Variants in KALRN observed in about 807,000 individuals in gnomAD.
KALRN encodes kalirin.
Under a neutral mutation model 353.7 loss-of-function variants are expected in KALRN, and 70 were observed. The observed-to-expected ratio is 0.20, with a 90% CI of 0.16 to 0.24. KALRN has a LOEUF of 0.24. KALRN is among the 10% of genes least tolerant of loss of function. The probability of loss-of-function intolerance (pLI) is 1.00; values close to 1 mark genes in which losing one functional copy is unlikely to be tolerated. For synonymous variants in KALRN, 1,391 were observed against 1,434.8 expected, an observed-to-expected ratio of 0.97 and a Z score of 0.69; for missense variants, 2,791 against 3,756.7, an observed-to-expected ratio of 0.74 and a Z score of 6.72.
intron 1 of KALRN, among the ~76,000 whole-genome samples, chr3:124,107,324 A>C (rs749458771): frequency 1.3e-5 from 2 of 152,178 alleles, no homozygotes; most frequent in Admixed American, 6.5e-5. Flanking sequence ...CCTCAGTGAT[A>C]GTGTAATGGA....
intron 1 of KALRN, among the ~76,000 whole-genome samples, chr3:124,171,056 A>T (rs2071744601): frequency 6.6e-6 from 1 of 151,676 alleles, no homozygotes; most frequent in South Asian, 2.1e-4. Context: ...GCCTCAAGTG[A>T]TCTGCCTGCC....
At chr3:124,589,255 A>G (rs2075531126) in intron 34 of KALRN, among the ~76,000 whole-genome samples, 1 of 152,220 alleles carries the variant, frequency 6.6e-6, no homozygotes, top group Non-Finnish European at 1.5e-5. Flanking sequence ...CCGTGACACC[A>G]AGTTCCTTTA....
At chr3:124,433,865 T>TGAA (rs1480189125) in intron 16 of KALRN, among the ~76,000 whole-genome samples, 1 of 152,236 alleles carries the variant, frequency 6.6e-6, no homozygotes, top group Non-Finnish European at 1.5e-5. Flanking sequence ...TTGTGTTACA[T>TGAA]GAAGTTTCTT....
intron 9 of KALRN, among the ~76,000 whole-genome samples, chr3:124,346,705 T>G (rs564780651): frequency 6.6e-6 from 1 of 152,286 alleles, no homozygotes; most frequent in African/African-American, 2.4e-5. Flanking sequence ...CCATGACTGG[T>G]CACCATTGCT....
At chr3:124,246,752 T>A (rs773030659) in intron 3 of KALRN, among the ~76,000 whole-genome samples, 1 of 152,166 alleles carries the variant, frequency 6.6e-6, no homozygotes, top group Admixed American at 6.5e-5. Context: ...TCACCTTGAT[T>A]AGGTCAACTT....
intron 18 of KALRN, 110 bp downstream of exon 18, chr3:124,439,147 TTCTC>T (rs1223333604): frequency 1.4e-5 from 14 of 1,013,102 alleles, no homozygotes; most frequent in African/African-American, 1.2e-4. Context: ...CTCTTTCTCT[TTCTC>T]TCTCTTTCTC....
Position 124,718,922 on chromosome 3 carries a change from C to T in KALRN, c.8416-3C>T, listed in dbSNP as rs2063293395. 1.2e-6 allele frequency: 2 copies of T among 1,612,910 alleles called. No individual in the cohort carries two copies. The highest frequency in any genetic ancestry group is 1.3e-5 in the African/African-American group (1 of 74,924). On this transcript the variant is annotated splice_region_variant and splice_polypyrimidine_tract_variant and intron_variant, in intron 59 of 59. Transcript: ENST00000682506. ...TTCTCCCTGCTTCCTTGGATCTCTG[C>T]AGCCTGAAAACCTGCTCATTGACCT...
chr3:124,652,007 G>A (rs2083469704), intron 38 of KALRN, among the ~76,000 whole-genome samples: 1 of 152,162 alleles, frequency 6.6e-6, no homozygotes, highest in South Asian at 2.1e-4. Flanking sequence ...CTTAGACATA[G>A]CTCAGCATGT....
At chr3:124,586,558 G>T (rs1166324212) in intron 34 of KALRN, among the ~76,000 whole-genome samples, 1 of 152,198 alleles carries the variant, frequency 6.6e-6, no homozygotes, top group East Asian at 1.9e-4. Context: ...CCAGGGCCTG[G>T]TAAGTGCCTC....
At chr3:124,078,135 C>T (rs2060352411) in intron 1 of KALRN, among the ~76,000 whole-genome samples, 1 of 152,178 alleles carries the variant, frequency 6.6e-6, no homozygotes, top group Admixed American at 6.5e-5. Flanking sequence ...TGTGCCTTTG[C>T]TCCTGTTTTT....
chr3:124,065,621 C>T (rs1447831234), intron 1 of KALRN, among the ~76,000 whole-genome samples: 1 of 100,088 alleles, frequency 1.0e-5, no homozygotes, highest in African/African-American at 3.9e-5. Flanking sequence ...ATGACTAAAA[C>T]ATTCCTTAGT....
intron 34 of KALRN, among the ~76,000 whole-genome samples, chr3:124,580,535 A>C (rs1159340667): frequency 6.6e-6 from 1 of 152,210 alleles, no homozygotes; most frequent in Non-Finnish European, 1.5e-5. Context: ...TGTCTTGAGA[A>C]TATTAACTTA....
At chr3:124,442,492 G>A (rs1333785433) in intron 19 of KALRN, among the ~76,000 whole-genome samples, 1 of 152,214 alleles carries the variant, frequency 6.6e-6, no homozygotes, top group East Asian at 1.9e-4. Context: ...AGACTAGGGT[G>A]TCTTATAGCC....
At chr3:124,330,378 G>T (rs72976592) in intron 8 of KALRN, among the ~76,000 whole-genome samples, 25,483 of 151,806 alleles carry the variant, frequency 0.17, 4,094 homozygotes, top group African/African-American at 0.42. Context: ...TTCTCTGGAG[G>T]TTGCTTTCTG....
intron 34 of KALRN, among the ~76,000 whole-genome samples, chr3:124,569,757 C>T (rs1325716070): frequency 6.6e-6 from 1 of 152,196 alleles, no homozygotes; most frequent in Admixed American, 6.5e-5. Context: ...AGAGCATTAA[C>T]CCCATTATAG....
chr3:124,281,557 G>A (rs2075344451), intron 5 of KALRN, among the ~76,000 whole-genome samples: 1 of 152,176 alleles, frequency 6.6e-6, no homozygotes, highest in Admixed American at 6.5e-5. Flanking sequence ...TGGAATGCCT[G>A]CTCCACTATA....
intron 1 of KALRN, among the ~76,000 whole-genome samples, chr3:124,133,926 A>G (rs1002842879): frequency 3.9e-5 from 6 of 152,336 alleles, no homozygotes; most frequent in African/African-American, 1.4e-4. Flanking sequence ...GATGGGTAGA[A>G]TCAATATTGT....
intron 1 of KALRN, among the ~76,000 whole-genome samples, chr3:124,196,275 T>C (rs906479832): frequency 7.9e-5 from 12 of 152,128 alleles, no homozygotes; most frequent in Non-Finnish European, 1.5e-5. Context: ...CAGTTGGGTA[T>C]GTGAGGGCTC....
At chr3:124,072,336 C>A (rs2060058099) in intron 1 of KALRN, among the ~76,000 whole-genome samples, 1 of 152,202 alleles carries the variant, frequency 6.6e-6, no homozygotes, top group Non-Finnish European at 1.5e-5. Context: ...TGTCTGTCTC[C>A]CTCTTTCCAA....
Sources: gnomAD v4.1 joint callset for allele counts (sites outside exome capture counted in the v4.1 genomes callset) on GRCh38, gnomAD v4.1.1 for gene constraint, MANE v1.5 for transcripts, NCBI Gene and HGNC (gene_info 2026-07-23, HGNC 2026-07-21) for gene names.